The following SPAG16 variants were observed in gnomAD, a reference collection of about 807,000 sequenced individuals.
The protein encoded by SPAG16 is sperm-associated antigen 16 protein.
A neutral mutation model predicts 80.4 loss-of-function variants in SPAG16; 86 were observed. The ratio of observed to expected loss-of-function variants is 1.07; its 90% confidence interval spans 0.90 to 1.28. The LOEUF (loss-of-function observed/expected upper bound fraction) is 1.28, where lower values mean the gene tolerates loss of function less well. SPAG16 is among the 50% of genes most tolerant of loss of function. SPAG16 has a pLI of 0.00. For missense variants in SPAG16, 870 were observed against 765.3 expected (o/e 1.14, Z -1.61); for synonymous variants, 294 against 265.9 (o/e 1.11, Z -1.03).
At chr2:213,435,975 T>C (rs1474264994) in intron 9 of SPAG16, among the ~76,000 whole-genome samples, 1 of 152,196 alleles carries the variant, frequency 6.6e-6, no homozygotes, top group Non-Finnish European at 1.5e-5. Context: ...TCCCCAGATA[T>C]TCCTTTTATT....
intron 15 of SPAG16, among the ~76,000 whole-genome samples, chr2:214,275,263 A>AT (rs1356499532): frequency 5.9e-5 from 9 of 152,032 alleles, no homozygotes; most frequent in Non-Finnish European, 1.3e-4. Context: ...AGATTCATTA[A>AT]TTTTTTGAAG....
chr2:213,499,712 T>C (rs2074652982), intron 10 of SPAG16, among the ~76,000 whole-genome samples: 4 of 152,184 alleles, frequency 2.6e-5, no homozygotes, highest in Admixed American at 2.6e-4. Flanking sequence ...AACACTACTC[T>C]CGTAATAATT....
rs183726927 is a variant in SPAG16, at chr2:214,275,504, A to G, written c.1720+126238A>G. Among the ~76,000 whole-genome samples, 763 of 152,232 alleles carry G rather than the reference A, an allele frequency of 5.0e-3. 5 individuals are homozygous for G. Among genetic ancestry groups the G allele is most frequent in the African/African-American group, 0.017 (723 of 41,536 alleles). On this transcript the variant is annotated intron_variant, in intron 15 of 15. Coordinates refer to ENST00000331683, the MANE Select transcript of SPAG16 (RefSeq NM_024532.5). The stretch of plus-strand genomic sequence containing the variant: ...TCTGGTACATTGTGTCTTTGTTCTC[A>G]TTGGTTTCAAAGAACATCTTTATTT...
chr2:213,794,110 A>T (rs766430407), intron 10 of SPAG16, among the ~76,000 whole-genome samples: 2 of 152,150 alleles, frequency 1.3e-5, no homozygotes, highest in Non-Finnish European at 1.5e-5. Context: ...TAAGTCCAGG[A>T]TGTATTAAAT....
At chr2:213,915,753 C>T (rs1013383659) in intron 11 of SPAG16, among the ~76,000 whole-genome samples, 1 of 152,168 alleles carries the variant, frequency 6.6e-6, no homozygotes, top group African/African-American at 2.4e-5. Context: ...TAAAAGCCTT[C>T]CTATTTCTTC....
At chr2:213,573,655 C>T (rs993471166) in intron 10 of SPAG16, among the ~76,000 whole-genome samples, 5 of 151,990 alleles carry the variant, frequency 3.3e-5, no homozygotes, top group South Asian at 2.1e-4. Flanking sequence ...TATTTTTATA[C>T]GTATTTTAAG....
At chr2:213,539,060 A>G (rs1173475959) in intron 10 of SPAG16, among the ~76,000 whole-genome samples, 1 of 152,120 alleles carries the variant, frequency 6.6e-6, no homozygotes, top group African/African-American at 2.4e-5. Context: ...AAAACAGGTG[A>G]TATGCTTCTT....
At chr2:213,866,678 A>G (rs2075697554) in intron 11 of SPAG16, among the ~76,000 whole-genome samples, 1 of 152,184 alleles carries the variant, frequency 6.6e-6, no homozygotes, top group Non-Finnish European at 1.5e-5. Context: ...CTTACAGGAA[A>G]TAGTTCAAGA....
At chr2:214,284,602 G>A (rs1472032366) in intron 15 of SPAG16, among the ~76,000 whole-genome samples, 3 of 152,088 alleles carry the variant, frequency 2.0e-5, no homozygotes, top group African/African-American at 4.8e-5. Context: ...TTCATTTGGA[G>A]GTCTTTGCGC....
At chr2:214,275,722 C>T (rs1692415361) in intron 15 of SPAG16, among the ~76,000 whole-genome samples, 2 of 152,062 alleles carry the variant, frequency 1.3e-5, no homozygotes, top group African/African-American at 4.8e-5. Context: ...ACTATGTGGT[C>T]AGTTTTGGAA....
chr2:213,398,323 GA>G lies in SPAG16; in HGVS notation c.942+23208del, dbSNP rs1368027703. Among the ~76,000 whole-genome samples the G allele has an allele frequency of 2.0e-5, 3 of 152,152 alleles. No homozygotes were observed. The East Asian group carries it at 5.8e-4, about 29-fold the overall frequency. On this transcript the variant is annotated intron_variant, in intron 9 of 15. Coordinates refer to ENST00000331683, the MANE Select transcript of SPAG16 (RefSeq NM_024532.5). Reference sequence around the variant, plus strand: ...AGTCTGTCCATGACATTTCTCTGCTGAAAATTTTCCAGTAACCTCCCATCTT... The same window carrying G: ...AGTCTGTCCATGACATTTCTCTGCTGAAATTTTCCAGTAACCTCCCATCTT...
At chr2:213,866,922 C>A (rs554348766) in intron 11 of SPAG16, among the ~76,000 whole-genome samples, 2 of 152,086 alleles carry the variant, frequency 1.3e-5, no homozygotes, top group Non-Finnish European at 2.9e-5. Context: ...ATGTGGAAAT[C>A]CTTTAAGTTT....
chr2:213,786,880 C>A (rs1291075510), intron 10 of SPAG16, among the ~76,000 whole-genome samples: 1 of 151,992 alleles, frequency 6.6e-6, no homozygotes, highest in African/African-American at 2.4e-5. Flanking sequence ...GAGGAATTTG[C>A]AATTAGTAAT....
At chr2:213,604,948 A>G in intron 10 of SPAG16, among the ~76,000 whole-genome samples, 1 of 149,064 alleles carries the variant, frequency 6.7e-6, no homozygotes, top group Non-Finnish European at 1.5e-5. Flanking sequence ...TAAAATATTT[A>G]TATTAAATAC....
intron 14 of SPAG16, among the ~76,000 whole-genome samples, chr2:214,114,956 T>A (rs11898517): frequency 1.1e-4 from 17 of 152,220 alleles, no homozygotes; most frequent in Non-Finnish European, 2.4e-4. Flanking sequence ...CTCGCTAATA[T>A]GTTTTTATTT....
chr2:213,773,620 T>A (rs543794581), intron 10 of SPAG16, among the ~76,000 whole-genome samples: 1 of 152,314 alleles, frequency 6.6e-6, no homozygotes, highest in African/African-American at 2.4e-5. Flanking sequence ...AGTGGCATGA[T>A]CTCGGCTTAC....
chr2:213,335,530 A>T lies in SPAG16; in HGVS notation c.537-4633A>T, dbSNP rs150293084. Among the ~76,000 whole-genome samples the T allele has an allele frequency of 3.9e-5, 6 of 152,264 alleles. No homozygotes were observed. The East Asian group carries it at 5.8e-4, about 15-fold the overall frequency. On this transcript the variant is annotated intron_variant, in intron 5 of 15. Transcript: ENST00000331683. ...AAAGATAAAAAGCACTTCATTCAAT[A>T]TCAGTATCTATATTATTTCTCAATT...
intron 11 of SPAG16, among the ~76,000 whole-genome samples, chr2:213,908,594 AC>A (rs1159668185): frequency 6.6e-6 from 1 of 152,132 alleles, no homozygotes; most frequent in African/African-American, 2.4e-5. Flanking sequence ...AATTCATAAT[AC>A]CTATATATAG....
chr2:213,829,396 G>A (rs2073493844), intron 10 of SPAG16, among the ~76,000 whole-genome samples: 1 of 152,054 alleles, frequency 6.6e-6, no homozygotes, highest in Non-Finnish European at 1.5e-5. Flanking sequence ...CTTCAGGGAT[G>A]TGGGCTCCCT....
Sources: allele counts gnomAD v4.1 joint callset (sites outside exome capture counted in the v4.1 genomes callset), GRCh38; gene constraint gnomAD v4.1.1; transcripts MANE v1.5; gene names NCBI Gene and HGNC (gene_info 2026-07-23, HGNC 2026-07-21).